IQSEC2: variants seen among roughly 807,000 people sequenced by gnomAD.
The protein encoded by IQSEC2 is IQ motif and Sec7 domain ArfGEF 2, also known as IQ motif and SEC7 domain-containing protein 2.
IQSEC2 carries 6 observed loss-of-function variants against 74.6 expected under a neutral mutation model. The observed-to-expected ratio is 0.08, with a 90% CI of 0.04 to 0.16. The LOEUF is 0.16. Ranked by LOEUF, IQSEC2 falls within the 10% of genes least tolerant of loss-of-function variation. IQSEC2 has a pLI of 1.00. For missense variants in IQSEC2, 734 were observed against 1,306.2 expected (o/e 0.56, Z 6.75); for synonymous variants, 494 against 544.5 (o/e 0.91, Z 1.29).
At chrX:53,264,162 C>G (rs1368430044) in intron 2 of IQSEC2, among the ~76,000 whole-genome samples, 2 of 112,346 alleles carry the variant, frequency 1.8e-5, no homozygotes, top group Non-Finnish European at 3.8e-5. Flanking sequence ...CAACCTCACA[C>G]TCAGAATTCC....
intron 1 of IQSEC2, among the ~76,000 whole-genome samples, chrX:53,307,261 CT>C (rs1289976021): frequency 5.3e-4 from 51 of 95,785 alleles, no homozygotes; most frequent in Non-Finnish European, 9.2e-4. Context: ...GTCAGACTTT[CT>C]TTTTTTTTCT....
At chrX:53,319,517 G>T (rs1041607523) in intron 1 of IQSEC2, among the ~76,000 whole-genome samples, 5 of 111,682 alleles carry the variant, frequency 4.5e-5, no homozygotes, top group Non-Finnish European at 9.4e-5. Flanking sequence ...CGGCAGAAAA[G>T]AAATAAGGGA....
chrX:53,276,101 T>C (rs1024600587), intron 2 of IQSEC2, among the ~76,000 whole-genome samples: 6 of 111,950 alleles, frequency 5.4e-5, no homozygotes, highest in African/African-American at 1.9e-4. Context: ...AAAATATCAC[T>C]GAAATTTTAA....
At chrX:53,290,883 C>T (rs905236328) in intron 2 of IQSEC2, among the ~76,000 whole-genome samples, 2 of 112,645 alleles carry the variant, frequency 1.8e-5, no homozygotes, top group Non-Finnish European at 3.8e-5. Flanking sequence ...AGGGTCACAG[C>T]CAAAAGGATA....
intron 4 of IQSEC2, among the ~76,000 whole-genome samples, chrX:53,253,922 C>A (rs1379995472): frequency 8.9e-6 from 1 of 112,217 alleles, no homozygotes; most frequent in Non-Finnish European, 1.9e-5. Flanking sequence ...TATAGTAGAT[C>A]AAGTTCCAAG....
At chrX:53,279,787 T>G (rs1602333805) in intron 2 of IQSEC2, 4 of 453,712 alleles carry the variant, frequency 8.8e-6, no homozygotes, top group Non-Finnish European at 1.2e-5. Flanking sequence ...CTGGGAGGAA[T>G]GGAGGATGGG....
At chrX:53,266,922 A>C in intron 2 of IQSEC2, 1 of 1,132,509 alleles carries the variant, frequency 8.8e-7, no homozygotes, top group Non-Finnish European at 1.2e-6. Context: ...GGGGCTGGTT[A>C]AGGCTTTTGC....
chrX:53,250,275 G>C lies in IQSEC2; in HGVS notation c.2297+4C>G, dbSNP rs781794155. On this transcript the variant is annotated splice_donor_region_variant and intron_variant, in intron 5 of 14. Transcript: ENST00000642864. ...GTAAGCAGGCTAGAACGGGGAGCAC[G>C]CACTTGTTGAAGAGGTTGAGGCCGA... 1 of 1,210,307 alleles carries C rather than the reference G, an allele frequency of 8.3e-7. No individual in the cohort carries two copies. Among genetic ancestry groups the C allele is most frequent in the Non-Finnish European group, 1.1e-6 (1 of 894,968 alleles).
intron 4 of IQSEC2, 30 bp from the exon 5 acceptor site, chrX:53,251,204 A>C (rs1556863582): frequency 1.2e-5 from 14 of 1,177,939 alleles, no homozygotes; most frequent in Admixed American, 2.2e-5. Flanking sequence ...GAGGAGGGAA[A>C]GGGAGAGAAA....
chrX:53,303,423 G>C (rs2075230582), intron 1 of IQSEC2, among the ~76,000 whole-genome samples: 2 of 111,282 alleles, frequency 1.8e-5, no homozygotes, highest in South Asian at 7.5e-4. Context: ...AGACCTACTT[G>C]TGACAGCGAG....
intron 2 of IQSEC2, among the ~76,000 whole-genome samples, chrX:53,289,456 T>C (rs1247388149): frequency 9.0e-6 from 1 of 110,787 alleles, no homozygotes; most frequent in Non-Finnish European, 1.9e-5. Flanking sequence ...GCTCCCTGTC[T>C]CTAAACCCAC....
Position 53,234,811 on chromosome X carries a change from G to A in IQSEC2, c.3875C>T (p.Pro1292Leu). Residue 1292 changes from proline (P) to leucine (L), a missense_variant, in exon 15 of 15, where the codon CCA becomes CTA. Physicochemically the swap from Pro to Leu is moderately conservative, Grantham distance 98. Transcript: ENST00000642864. ...YLPPQQPSLP[P>L]PPQQPPPLPQ... ...CAAGGGTGGGGGCTGCTGGGGAGGT[G>A]GGGGAAGAGAGGGCTGCTGGGGTGG... The A allele has an allele frequency of 8.9e-7, 1 of 1,120,230 alleles. No individual in the cohort carries two copies. Among genetic ancestry groups the A allele is most frequent in the Non-Finnish European group, 1.2e-6 (1 of 847,639 alleles). The allele number at this position is 1,120,230 out of a possible 1,213,427, so 92.3% of individuals were successfully genotyped here. A position where few individuals can be genotyped will look rare whatever the true frequency, so the allele number is the denominator to read the frequency against.
chrX:53,288,367 C>T (rs782194662), intron 2 of IQSEC2, among the ~76,000 whole-genome samples: 14 of 111,246 alleles, frequency 1.3e-4, no homozygotes, highest in South Asian at 7.7e-4. Context: ...TCCCTGTCTC[C>T]GCGGGTGTCA....
chrX:53,312,654 A>G (rs891302469), intron 1 of IQSEC2, among the ~76,000 whole-genome samples: 10 of 112,224 alleles, frequency 8.9e-5, no homozygotes, highest in Non-Finnish European at 1.9e-4. Flanking sequence ...CATCTTATTT[A>G]ATTTTCACAA....
chrX:53,239,847 C>G (rs782764057), intron 10 of IQSEC2, among the ~76,000 whole-genome samples: 1 of 112,308 alleles, frequency 8.9e-6, no homozygotes, highest in East Asian at 2.8e-4. Flanking sequence ...TCAACTAACA[C>G]AGGCTGCAAA....
At chrX:53,241,118 A>AT (rs2074213318) in intron 10 of IQSEC2, among the ~76,000 whole-genome samples, 1 of 108,148 alleles carries the variant, frequency 9.2e-6, no homozygotes, top group Admixed American at 9.9e-5. Context: ...TTATTTATTT[A>AT]TTTTTGAGGC....
At chrX:53,243,646 G>T (rs1556861453) in intron 8 of IQSEC2, among the ~76,000 whole-genome samples, 175 bp from the exon 9 acceptor site, 1 of 111,724 alleles carries the variant, frequency 9.0e-6, no homozygotes, top group Admixed American at 9.4e-5. Context: ...CAGTACAACA[G>T]CCAGTTGCTA....
At chrX:53,279,126 A>G (rs1350897262) in intron 2 of IQSEC2, 1 of 113,707 alleles carries the variant, frequency 8.8e-6, no homozygotes, top group Non-Finnish European at 1.8e-5. Flanking sequence ...GGCTGCAGTG[A>G]GCCGAGATCG....
intron 2 of IQSEC2, among the ~76,000 whole-genome samples, chrX:53,281,278 C>T (rs1602337452): frequency 8.9e-6 from 1 of 112,762 alleles, no homozygotes; most frequent in East Asian, 2.8e-4. Context: ...ACAGGCTGTG[C>T]TGCTCAGGGT....
Sources: allele counts gnomAD v4.1 joint callset (sites outside exome capture counted in the v4.1 genomes callset), GRCh38; gene constraint gnomAD v4.1.1; transcripts MANE v1.5; gene names NCBI Gene and HGNC (gene_info 2026-07-23, HGNC 2026-07-21).